Variants in FRY observed in about 807,000 individuals in gnomAD.
FRY encodes the protein protein furry homolog.
FRY carries 128 observed loss-of-function variants against 348.4 expected under a neutral mutation model. That is an observed-to-expected ratio of 0.37 (90% CI 0.32 to 0.43). FRY has a LOEUF of 0.43. Among genes scored for constraint, FRY ranks in the 20% least tolerant of loss-of-function variants. The pLI, the probability that FRY is intolerant of heterozygous loss-of-function variation, is 1.00. For missense variants in FRY, 2,736 were observed against 3,695.2 expected (o/e 0.74, Z 6.73); for synonymous variants, 1,370 against 1,374.7 (o/e 1.00, Z 0.08).
chr13:32,072,006 T>C (rs1309475368), intron 1 of FRY, among the ~76,000 whole-genome samples: 1 of 152,212 alleles, frequency 6.6e-6, no homozygotes, highest in African/African-American at 2.4e-5. Context: ...AGTTGACCAC[T>C]CTGTAACCTG....
At chr13:32,265,070 C>T (rs1172211230) in intron 53 of FRY, among the ~76,000 whole-genome samples, 1 of 152,186 alleles carries the variant, frequency 6.6e-6, no homozygotes, top group Non-Finnish European at 1.5e-5. Context: ...TAAGTATGGA[C>T]CTGATATTAG....
chr13:32,055,444 C>T (rs1385873451), intron 1 of FRY, among the ~76,000 whole-genome samples: 1 of 152,172 alleles, frequency 6.6e-6, no homozygotes. Context: ...TCCCAAGGGC[C>T]ATCAGTAGCT....
In FRY at chr13:32,098,688, C is replaced by T. The variant is rs180677171; in HGVS notation, c.271-3275C>T. ...AATTAACCACATTTCCCCTCTCAGA[C>T]TCGACTCTTCTCCCCAGTAGTGTGT... On this transcript the variant is annotated intron_variant, in intron 2 of 60. Coordinates refer to ENST00000542859, the MANE Select transcript of FRY (RefSeq NM_023037.3). Among the ~76,000 whole-genome samples, 3 of 152,132 alleles carry T rather than the reference C, an allele frequency of 2.0e-5. No homozygotes were observed. In the East Asian group the frequency reaches 5.8e-4, roughly 29 times the overall value.
chr13:32,208,282 T>A (rs1420456860), intron 31 of FRY, among the ~76,000 whole-genome samples: 4 of 152,246 alleles, frequency 2.6e-5, no homozygotes, highest in Non-Finnish European at 4.4e-5. Flanking sequence ...AGACACTGGG[T>A]CAGTGGAAAG....
In FRY at chr13:32,261,632, A is replaced by G. The variant is rs762407748; in HGVS notation, c.7433A>G (p.Asn2478Ser). Residue 2478 changes from asparagine to serine, a missense_variant, in exon 52 of 61, where the codon AAT becomes AGT. Around this residue, in one of 9 missense-constraint regions of FRY, gnomAD observed 789 missense variants for 996.2 expected, o/e 0.79. Coordinates refer to ENST00000542859, the MANE Select transcript of FRY (RefSeq NM_023037.3). ...TGATTTCAGGGTGAGAGTATGGACA[A>G]TTTCAACTGGGGAGTGCGCAGACGT... is the stretch of plus-strand genomic sequence containing the variant. ...LEDGEGESMD[N>S]FNWGVRRRSL... 25 of 1,614,038 alleles carry G rather than the reference A, an allele frequency of 1.5e-5. No homozygotes were observed. The highest frequency in any genetic ancestry group is 2.7e-5 in the African/African-American group (2 of 74,914).
chr13:32,166,287 A>G (rs984835293), intron 17 of FRY, among the ~76,000 whole-genome samples: 1 of 152,206 alleles, frequency 6.6e-6, no homozygotes, highest in Non-Finnish European at 1.5e-5. Flanking sequence ...CTCAAAGGAC[A>G]GTTTTTAAAA....
intron 36 of FRY, 91 bp downstream of exon 36, chr13:32,218,922 T>A: frequency 2.7e-6 from 2 of 752,836 alleles, no homozygotes; most frequent in Non-Finnish European, 4.8e-6. Context: ...GTCTGATTAC[T>A]AAAAGGGCCT....
chr13:32,046,841 T>G (rs1224116515), intron 1 of FRY, among the ~76,000 whole-genome samples: 3 of 152,228 alleles, frequency 2.0e-5, no homozygotes, highest in African/African-American at 7.2e-5. Context: ...AATTTTTATG[T>G]AATACAAAAT....
chr13:32,076,108 T>C (rs1330376360), intron 1 of FRY, among the ~76,000 whole-genome samples: 1 of 152,226 alleles, frequency 6.6e-6, no homozygotes, highest in Non-Finnish European at 1.5e-5. Context: ...TTCATCTCTC[T>C]AGTTCAAAAT....
chr13:32,226,759 A>G (rs1473202536), intron 39 of FRY, among the ~76,000 whole-genome samples: 2 of 152,128 alleles, frequency 1.3e-5, no homozygotes, highest in Non-Finnish European at 2.9e-5. Context: ...TGCACCTTTT[A>G]TTTATCACTT....
At chr13:32,251,762 A>AT (rs1442396537) in intron 49 of FRY, 116 bp from the exon 50 acceptor site, 2 of 745,070 alleles carry the variant, frequency 2.7e-6, no homozygotes, top group African/African-American at 3.4e-5. Flanking sequence ...TGTATTTTAC[A>AT]TTTCATTCTG....
chr13:32,084,110 A>G (rs896756301), intron 2 of FRY, among the ~76,000 whole-genome samples: 1 of 152,154 alleles, frequency 6.6e-6, no homozygotes, highest in Non-Finnish European at 1.5e-5. Flanking sequence ...ATCTGAGCCC[A>G]TCGTCCTGCC....
At position 32,237,461 on chromosome 13, in the gene FRY, A is replaced by G. The variant is rs766442520; in HGVS notation, c.5893A>G (p.Thr1965Ala). The change falls in exon 44 of 61, where the codon ACC becomes GCC. Residue 1965 changes from threonine to alanine, a missense_variant. By Grantham distance (58) the Thr-to-Ala change is moderately conservative. This residue lies in a region of FRY where 794 missense variants were observed against 977.0 expected (regional missense o/e 0.81). Transcript: ENST00000542859. This position sits in a 1 kb window ranked among gnomAD's most constrained non-coding sequence, Gnocchi z 6.3. The part of the protein sequence containing the change: ...STGQLNMNPG[T>A]TSGNTATAER... ...AGGACAACTAAACATGAACCCGGGA[A>G]CCACCAGCGGCAACACCGCAACTGC... 2 of 1,613,938 alleles carry G rather than the reference A, an allele frequency of 1.2e-6. No homozygotes were observed. The highest frequency in any genetic ancestry group is 8.5e-7 in the Non-Finnish European group (1 of 1,180,012).
chr13:32,165,744 T>C (rs190373298), intron 17 of FRY, among the ~76,000 whole-genome samples: 61 of 152,352 alleles, frequency 4.0e-4, no homozygotes, highest in African/African-American at 1.4e-3. Context: ...TGTATCTCTG[T>C]ACAAGAACAT....
At chr13:32,125,816 T>C (rs539054291) in intron 7 of FRY, among the ~76,000 whole-genome samples, 5 of 152,320 alleles carry the variant, frequency 3.3e-5, no homozygotes, top group South Asian at 2.1e-4. Flanking sequence ...ATCCTGACTA[T>C]ATTTTTTTTA....
chr13:32,158,004 A>C (rs540536519), intron 16 of FRY, among the ~76,000 whole-genome samples: 5 of 152,332 alleles, frequency 3.3e-5, no homozygotes, highest in African/African-American at 1.2e-4. Flanking sequence ...CTATGAATTA[A>C]ATTACATTTG....
chr13:32,283,651 T>C (rs541231351), intron 58 of FRY, among the ~76,000 whole-genome samples: 3 of 152,306 alleles, frequency 2.0e-5, no homozygotes, highest in Admixed American at 2.0e-4. Context: ...GAAGTATATT[T>C]TGGGGCTCTT....
At chr13:32,244,257 A>AGG in intron 47 of FRY, 75 bp downstream of exon 47, 3 of 1,377,460 alleles carry the variant, frequency 2.2e-6, no homozygotes, top group Non-Finnish European at 3.1e-6. Context: ...GCTTGGCTAC[A>AGG]AAACCATCTG....
At chr13:32,051,873 G>T (rs932651591) in intron 1 of FRY, among the ~76,000 whole-genome samples, 3 of 152,202 alleles carry the variant, frequency 2.0e-5, no homozygotes, top group African/African-American at 7.2e-5. Context: ...AAGACAATGT[G>T]TGATCAATCA....
Sources: allele counts gnomAD v4.1 joint callset (sites outside exome capture counted in the v4.1 genomes callset), GRCh38; gene constraint gnomAD v4.1.1; regional missense constraint gnomAD v4.1.1; non-coding constraint Gnocchi (gnomAD v3.1); transcripts MANE v1.5; gene names NCBI Gene and HGNC (gene_info 2026-07-23, HGNC 2026-07-21).